Variants in POLQ observed in about 807,000 individuals in gnomAD.
The protein encoded by POLQ is epididymis secretory sperm binding protein.
POLQ carries 233 observed loss-of-function variants against 259.2 expected under a neutral mutation model. That is an observed-to-expected ratio of 0.90 (90% confidence interval 0.81 to 1.00). The LOEUF is 1.00. POLQ is among the 50% of genes least tolerant of loss of function. POLQ has a pLI of 0.00. For synonymous variants in POLQ, 1,025 were observed against 1,048.8 expected (o/e 0.98, Z 0.44); for missense variants, 2,871 against 3,051.6 (o/e 0.94, Z 1.39).
chr3:121,483,008 T>C (rs1267536648), intron 18 of POLQ, among the ~76,000 whole-genome samples: 1 of 152,176 alleles, frequency 6.6e-6, no homozygotes, highest in East Asian at 1.9e-4. Flanking sequence ...TCACACTCTT[T>C]TCCAATTTTC....
Position 121,432,970 on chromosome 3 carries a change from A to C in POLQ, c.7607T>G (p.Leu2536Arg). 6.2e-7 allele frequency: 1 copy of C among 1,612,188 alleles called. No homozygotes were observed. Residue 2536 changes from leucine (L) to arginine (R), a missense_variant, in exon 29 of 30, where the codon CTT becomes CGT. Physicochemically the swap from Leu to Arg is moderately radical, Grantham distance 102 (BLOSUM62 -2). Coordinates refer to ENST00000264233, the MANE Select transcript of POLQ (RefSeq NM_199420.4). Reference sequence around the variant, plus strand: ...ATATAGGAGTTCATCATGGAGTTGAAGGATGAAGAAGCCTCCTCTGATTGG... The same window carrying C: ...ATATAGGAGTTCATCATGGAGTTGACGGATGAAGAAGCCTCCTCTGATTGG... ...FCPIRGGFFI[L>R]QLHDELLYEV...
intron 12 of POLQ, among the ~76,000 whole-genome samples, chr3:121,504,181 A>G (rs567938361): frequency 1.3e-5 from 2 of 152,216 alleles, no homozygotes; most frequent in Non-Finnish European, 2.9e-5. Context: ...ATGCAGGAAG[A>G]TTCAAATTAC....
At chr3:121,471,634 C>G (rs535774677) in intron 22 of POLQ, among the ~76,000 whole-genome samples, 2 of 152,122 alleles carry the variant, frequency 1.3e-5, no homozygotes, top group Non-Finnish European at 2.9e-5. Context: ...CCCAGCTACT[C>G]GGGAGGTTGA....
At chr3:121,470,432 G>A (rs1275526860) in intron 22 of POLQ, among the ~76,000 whole-genome samples, 1 of 152,062 alleles carries the variant, frequency 6.6e-6, no homozygotes, top group Non-Finnish European at 1.5e-5. Context: ...TTTAGAACAA[G>A]GGATAAAGCA....
chr3:121,493,623 G>T lies in POLQ; in HGVS notation c.2377C>A (p.Leu793Met), dbSNP rs1413318355. The T allele has an allele frequency of 6.2e-7, 1 of 1,614,084 alleles. No homozygotes were observed. Among genetic ancestry groups the T allele is most frequent in the East Asian group, 2.2e-5 (1 of 44,878 alleles). The stretch of plus-strand genomic sequence containing the variant: ...AAGGATACCCGAACCAGGTCACACA[G>T]CTCCCTCTGGATGCCAAACGTAAGA... ...KRLTFGIQRE[L>M]CDLVRVSLLN... Residue 793 changes from leucine to methionine, a missense_variant, in exon 15 of 30, where the codon CTG becomes ATG. Leu to Met is a conservative substitution (Grantham distance 15). Around this residue, in one of 3 missense-constraint regions of POLQ, gnomAD observed 2,080 missense variants for 2,126.0 expected, o/e 0.98. Transcript: ENST00000264233.
chr3:121,495,129 G>A (rs2108801359), intron 14 of POLQ, among the ~76,000 whole-genome samples: 1 of 152,242 alleles, frequency 6.6e-6, no homozygotes, highest in South Asian at 2.1e-4. Flanking sequence ...AAATTAGCCA[G>A]GCATGGCGGT....
At chr3:121,511,111 A>C (rs2048251846) in intron 10 of POLQ, among the ~76,000 whole-genome samples, 1 of 152,088 alleles carries the variant, frequency 6.6e-6, no homozygotes, top group African/African-American at 2.4e-5. Flanking sequence ...CTGTAGTCCC[A>C]ACTACTCGGG....
At chr3:121,506,622 T>C (rs1203775105) in intron 12 of POLQ, among the ~76,000 whole-genome samples, 1 of 152,220 alleles carries the variant, frequency 6.6e-6, no homozygotes, top group African/African-American at 2.4e-5. Flanking sequence ...TACTCTAATA[T>C]ATCTCTGGTA....
chr3:121,518,908 T>TA (rs2048317500), intron 9 of POLQ, among the ~76,000 whole-genome samples: 1 of 152,174 alleles, frequency 6.6e-6, no homozygotes, highest in South Asian at 2.1e-4. Context: ...TAGTTACATA[T>TA]AATGATACAG....
At chr3:121,514,290 C>G (rs559791558) in intron 9 of POLQ, among the ~76,000 whole-genome samples, 1 of 143,854 alleles carries the variant, frequency 7.0e-6, no homozygotes, top group Non-Finnish European at 1.5e-5. Flanking sequence ...ATTGCGCCAT[C>G]GCACTACAGC....
At chr3:121,475,275 T>C (rs1000421556) in intron 20 of POLQ, among the ~76,000 whole-genome samples, 4 of 152,204 alleles carry the variant, frequency 2.6e-5, no homozygotes, top group Admixed American at 6.5e-5. Context: ...TTCAACTTCA[T>C]TGGATTCCAC....
rs1412342842 is a variant in POLQ, at chr3:121,510,214, T to G, written c.1641A>C (p.Ser547=). The G allele has an allele frequency of 6.2e-7, 1 of 1,613,180 alleles. No homozygotes were observed. Among genetic ancestry groups the G allele is most frequent in the East Asian group, 2.2e-5 (1 of 44,886 alleles). Residue 547 remains serine, a synonymous_variant, in exon 11 of 30, where the codon TCA becomes TCC. Transcript: ENST00000264233. ...AGGCAGCATAAGTATGCATATCTTG[T>G]GATGTACTTGCCACTCCACCAACTA... ...EIIVGGVAST[S]QDMHTYAACT... is the part of the protein sequence containing the mutation.
chr3:121,468,681 T>G (rs538466860), intron 22 of POLQ, among the ~76,000 whole-genome samples: 1 of 152,276 alleles, frequency 6.6e-6, no homozygotes, highest in African/African-American at 2.4e-5. Context: ...CATCGCACAA[T>G]GAGAAGTAAT....
intron 26 of POLQ, among the ~76,000 whole-genome samples, chr3:121,447,018 TTC>T (rs1251233950): frequency 2.0e-5 from 3 of 151,758 alleles, no homozygotes; most frequent in East Asian, 1.9e-4. Flanking sequence ...ATGGTTTTTT[TTC>T]TCTTTCTTTC....
intron 10 of POLQ, among the ~76,000 whole-genome samples, chr3:121,510,828 G>A (rs2048249618): frequency 6.6e-6 from 1 of 152,130 alleles, no homozygotes; most frequent in Admixed American, 6.5e-5. Context: ...GCTCACGCCT[G>A]TAATCCCAGC....
Position 121,489,376 on chromosome 3 carries a change from T to C in POLQ, c.3555A>G (p.Lys1185=). 1.9e-6 allele frequency: 3 copies of C among 1,613,404 alleles called. No individual in the cohort carries two copies. Among genetic ancestry groups the C allele is most frequent in the South Asian group, 1.1e-5 (1 of 90,784 alleles). Reference sequence around the variant, plus strand: ...GGTTAATTGGATGGATGTCATGGTGTTTCATATAAACATTCTGGTTTTTTG... The same window carrying C: ...GGTTAATTGGATGGATGTCATGGTGCTTCATATAAACATTCTGGTTTTTTG... The part of the protein sequence containing the change: ...NGSKNQNVYM[K]HHDIHPINQY... Residue 1185 remains lysine, a synonymous_variant, in exon 16 of 30, where the codon AAA becomes AAG. Coordinates refer to ENST00000264233, the MANE Select transcript of POLQ (RefSeq NM_199420.4).
At chr3:121,460,631 G>A (rs188592172) in intron 24 of POLQ, among the ~76,000 whole-genome samples, 7 of 152,298 alleles carry the variant, frequency 4.6e-5, no homozygotes, top group Non-Finnish European at 1.5e-5. Flanking sequence ...GTTGCTGATA[G>A]ATAATAGGCC....
chr3:121,532,072 G>A (rs970020317), intron 6 of POLQ, among the ~76,000 whole-genome samples: 1 of 152,126 alleles, frequency 6.6e-6, no homozygotes, highest in Non-Finnish European at 1.5e-5. Context: ...GAGTATGGGA[G>A]GGTACTTATT....
At chr3:121,454,023 A>C (rs1278437982) in intron 25 of POLQ, among the ~76,000 whole-genome samples, 1 of 152,252 alleles carries the variant, frequency 6.6e-6, no homozygotes, top group East Asian at 1.9e-4. Flanking sequence ...TCAGACTAAC[A>C]GCGGATCTCT....
Sources: gnomAD v4.1 joint callset for allele counts (sites outside exome capture counted in the v4.1 genomes callset) on GRCh38, gnomAD v4.1.1 for gene constraint, gnomAD v4.1.1 regional missense constraint, MANE v1.5 for transcripts, NCBI Gene and HGNC (gene_info 2026-07-23, HGNC 2026-07-21) for gene names.